RNF168: variants seen among roughly 807,000 people sequenced by gnomAD.
The protein encoded by RNF168 is ring finger protein 168, also known as E3 ubiquitin-protein ligase RNF168.
In RNF168, 34 loss-of-function variants were observed where a neutral mutation model predicts 34.9. That is an observed-to-expected ratio of 0.97 (90% CI 0.74 to 1.30). The LOEUF is 1.30. Ranked by LOEUF, RNF168 falls within the 50% of genes most tolerant of loss-of-function variation. The probability of loss-of-function intolerance (pLI) is 0.00; values close to 1 mark genes in which losing one functional copy is unlikely to be tolerated. For synonymous variants in RNF168, 264 were observed against 254.7 expected (o/e 1.04, Z -0.35); for missense variants, 725 against 682.5 (o/e 1.06, Z -0.69).
At chr3:196,502,319 G>A (rs1184213981) in intron 1 of RNF168, among the ~76,000 whole-genome samples, 4 of 152,130 alleles carry the variant, frequency 2.6e-5, no homozygotes, top group Admixed American at 2.6e-4. Context: ...GGGCGCGGTG[G>A]CTCAAGCCTG....
rs116405320 is a variant in RNF168, at chr3:196,471,719, T to C, written c.*100A>G. On this transcript the variant is annotated 3_prime_UTR_variant, in exon 6 of 6. Coordinates refer to ENST00000318037, the MANE Select transcript of RNF168 (RefSeq NM_152617.4). ...CTTCATTAAGGACAATGAGTGTGCC[T>C]AGAGAGCAGCATGAATGACACATGG... The C allele has an allele frequency of 7.9e-4, 654 of 827,768 alleles. 2 individuals are homozygous for C. The African/African-American group carries it at 8.3e-3, about 10-fold the overall frequency. 51.3% of individuals were successfully genotyped at this position (827,768 alleles called of 1,614,324 possible).
Position 196,472,632 on chromosome 3 carries a change from T to G in RNF168, c.903A>C (p.Leu301Phe). Reference protein sequence around the residue: ...DSSIESPMPWLCACGAEWYHE... With the variant: ...DSSIESPMPWFCACGAEWYHE... Reference sequence around the variant, plus strand: ...GGTACCATTCGGCACCACAGGCACATAACCATGGCATAGGGGACTCTATTG... The same window carrying G: ...GGTACCATTCGGCACCACAGGCACAGAACCATGGCATAGGGGACTCTATTG... Residue 301 changes from leucine (L) to phenylalanine (F), a missense_variant, in exon 6 of 6, where the codon TTA becomes TTC. Physicochemically the swap from Leu to Phe is conservative, Grantham distance 22 (BLOSUM62 0). Coordinates refer to ENST00000318037, the MANE Select transcript of RNF168 (RefSeq NM_152617.4). 1 of 1,613,492 alleles carries G rather than the reference T, an allele frequency of 6.2e-7. No individual in the cohort carries two copies. The highest frequency in any genetic ancestry group is 8.5e-7 in the Non-Finnish European group (1 of 1,179,430).
In RNF168 at chr3:196,503,168, A is replaced by G; in HGVS notation, c.6T>C (p.Ala2=). ...GCGAGGGGATGGCGTCTTTGGGTAG[A>G]GCCATTTCAATATGTTAGTAAAGCC... is the stretch of plus-strand genomic sequence containing the variant. M[A]LPKDAIPSLS... is the part of the protein sequence containing the mutation. The change falls in exon 1 of 6, where the codon GCT becomes GCC. Residue 2 remains alanine (A), a synonymous_variant. Coordinates refer to ENST00000318037, the MANE Select transcript of RNF168 (RefSeq NM_152617.4). 3 of 1,613,846 alleles carry G rather than the reference A, an allele frequency of 1.9e-6. No homozygotes were observed. The highest frequency in any genetic ancestry group is 1.7e-6 in the Non-Finnish European group (2 of 1,179,822).
chr3:196,475,240 G>A lies in RNF168; in HGVS notation c.753C>T (p.Ser251=), dbSNP rs746545726. The change falls in exon 5 of 6, where the codon TCC becomes TCT. Residue 251 remains serine, a synonymous_variant. Coordinates refer to ENST00000318037, the MANE Select transcript of RNF168 (RefSeq NM_152617.4). The stretch of plus-strand genomic sequence containing the variant: ...TTCAGTATCAACATACCTTAGATAC[G>A]GAGTCTTTCCTGACTTCTTGTACAG... ...SEAVQEVRKD[S]VSKDIDSSDR... 16 of 1,585,268 alleles carry A rather than the reference G, an allele frequency of 1.0e-5. No individual in the cohort carries two copies. The highest frequency in any genetic ancestry group is 2.2e-5 in the East Asian group (1 of 44,734).
At chr3:196,486,442 C>A (rs1225851322) in intron 3 of RNF168, among the ~76,000 whole-genome samples, 1 of 152,132 alleles carries the variant, frequency 6.6e-6, no homozygotes, top group Non-Finnish European at 1.5e-5. Flanking sequence ...AAGGGATCCT[C>A]CTGCCTCAGC....
intron 1 of RNF168, among the ~76,000 whole-genome samples, chr3:196,502,309 G>A (rs1351205363): frequency 6.6e-6 from 1 of 152,056 alleles, no homozygotes; most frequent in Non-Finnish European, 1.5e-5. Context: ...ATCAGAGGCC[G>A]GGCGCGGTGG....
chr3:196,475,332 A>C lies in RNF168; in HGVS notation c.681-20T>G. The C allele has an allele frequency of 2.1e-6, 3 of 1,437,124 alleles. No individual in the cohort carries two copies. Among genetic ancestry groups the C allele is most frequent in the Non-Finnish European group, 2.9e-6 (3 of 1,018,644 alleles). The allele number at this position is 1,437,124 out of a possible 1,614,324, so 89.0% of individuals were successfully genotyped here. On this transcript the variant is annotated intron_variant, in intron 4 of 5. Coordinates refer to ENST00000318037, the MANE Select transcript of RNF168 (RefSeq NM_152617.4). ...AAATACCTAAAAGAAAAGTTTACCAAAGTTTCAATGCTTTCAAAGACAGAT... is the reference window on the plus strand; with the variant it reads ...AAATACCTAAAAGAAAAGTTTACCACAGTTTCAATGCTTTCAAAGACAGAT...
intron 4 of RNF168, among the ~76,000 whole-genome samples, chr3:196,479,393 C>T (rs1001321659): frequency 3.9e-5 from 6 of 152,074 alleles, no homozygotes; most frequent in Non-Finnish European, 8.8e-5. Context: ...CAGCCTTGAC[C>T]TCCCAGGTTC....
Position 196,487,555 on chromosome 3 carries a change from G to C in RNF168, c.402C>G (p.Ser134Arg). ...CACTGGCTTTGTTTTCTTCTTCCTCGCTGGCCCGTCGCTCTGCCGCCACCT... is the reference window on the plus strand; with the variant it reads ...CACTGGCTTTGTTTTCTTCTTCCTCCCTGGCCCGTCGCTCTGCCGCCACCT... ...ISKVAAERRASEEEENKASEE... is the reference protein window; with the variant it reads ...ISKVAAERRAREEEENKASEE... The change falls in exon 3 of 6, where the codon AGC becomes AGG. Residue 134 changes from serine to arginine, a missense_variant. By Grantham distance (110) the Ser-to-Arg change is moderately radical. Transcript: ENST00000318037. 6.2e-7 allele frequency: 1 copy of C among 1,613,810 alleles called. No homozygotes were observed. Among genetic ancestry groups the C allele is most frequent in the Non-Finnish European group, 8.5e-7 (1 of 1,179,994 alleles).
At chr3:196,475,018 AG>A in intron 5 of RNF168, 1 of 533,376 alleles carries the variant, frequency 1.9e-6, no homozygotes, top group Non-Finnish European at 3.4e-6. Context: ...ACTCTCTTAG[AG>A]AAAAACTTTG....
Position 196,503,230 on chromosome 3 carries a change from T to C in RNF168, c.-57A>G. 1 of 1,519,750 alleles carries C rather than the reference T, an allele frequency of 6.6e-7. No individual in the cohort carries two copies. The highest frequency in any genetic ancestry group is 9.1e-7 in the Non-Finnish European group (1 of 1,095,888). The allele number at this position is 1,519,750 out of a possible 1,614,324, so 94.1% of individuals were successfully genotyped here. ...GACACCTGCACGAAAAAGAATCCTATTTTCGGCCAACCACAGAGAGAGCAA... is the reference window on the plus strand; with the variant it reads ...GACACCTGCACGAAAAAGAATCCTACTTTCGGCCAACCACAGAGAGAGCAA... On this transcript the variant is annotated 5_prime_UTR_variant, in exon 1 of 6. Coordinates refer to ENST00000318037, the MANE Select transcript of RNF168 (RefSeq NM_152617.4).
At position 196,487,561 on chromosome 3, in the gene RNF168, C is replaced by G. The variant is rs1160208768; in HGVS notation, c.396G>C (p.Arg132=). 1 of 1,614,110 alleles carries G rather than the reference C, an allele frequency of 6.2e-7. No individual in the cohort carries two copies. The highest frequency in any genetic ancestry group is 1.7e-5 in the Admixed American group (1 of 60,014). ...EEISKVAAER[R]ASEEEENKAS... ...CTTTGTTTTCTTCTTCCTCGCTGGC[C>G]CGTCGCTCTGCCGCCACCTTAAAAG... is the stretch of plus-strand genomic sequence containing the variant. The change falls in exon 3 of 6, where the codon CGG becomes CGC. Residue 132 remains arginine, a synonymous_variant. Transcript: ENST00000318037.
rs561335974 is a variant in RNF168, at chr3:196,495,183, G to C, written c.302-6500C>G. Among the ~76,000 whole-genome samples, 3 of 152,130 alleles carry C rather than the reference G, an allele frequency of 2.0e-5. No individual in the cohort carries two copies. The South Asian group carries it at 6.2e-4, about 32-fold the overall frequency. ...AACTGCCACATTGCCTTTCGTGTGT[G>C]TGTGTGTGTATTTTCTGAACCATTT... On this transcript the variant is annotated intron_variant, in intron 1 of 5. Coordinates refer to ENST00000318037, the MANE Select transcript of RNF168 (RefSeq NM_152617.4).
intron 1 of RNF168, among the ~76,000 whole-genome samples, chr3:196,489,761 T>C (rs983103291): frequency 2.0e-5 from 3 of 152,346 alleles, no homozygotes; most frequent in South Asian, 2.1e-4. Context: ...GAAGGGAATC[T>C]GCCTCCTATT....
chr3:196,501,984 A>G (rs75483890), intron 1 of RNF168, among the ~76,000 whole-genome samples: 1 of 145,944 alleles, frequency 6.9e-6, no homozygotes, highest in African/African-American at 2.5e-5. Flanking sequence ...TTAAAATGGC[A>G]TTTTTTTACA....
chr3:196,474,447 C>CTTTT (rs78108021), intron 5 of RNF168, among the ~76,000 whole-genome samples: 1 of 121,378 alleles, frequency 8.2e-6, no homozygotes, highest in Non-Finnish European at 1.7e-5. Context: ...TTGTAATATT[C>CTTTT]TTTTTTTTTT....
At chr3:196,481,186 C>T in intron 4 of RNF168, among the ~76,000 whole-genome samples, 1 of 152,132 alleles carries the variant, frequency 6.6e-6, no homozygotes, top group African/African-American at 2.4e-5. Context: ...TGTTTTATCT[C>T]CTTTTATTGT....
chr3:196,497,124 C>A (rs1029463644), intron 1 of RNF168, among the ~76,000 whole-genome samples: 3 of 151,478 alleles, frequency 2.0e-5, no homozygotes, highest in Non-Finnish European at 4.4e-5. Context: ...CCAGCCTAGG[C>A]AACAGAGCAA....
chr3:196,494,237 T>C (rs1037207450), intron 1 of RNF168, among the ~76,000 whole-genome samples: 1 of 152,214 alleles, frequency 6.6e-6, no homozygotes, highest in Non-Finnish European at 1.5e-5. Context: ...ATTTTTGCCA[T>C]CTGTTGGAAA....
Sources: gnomAD v4.1 joint callset for allele counts (sites outside exome capture counted in the v4.1 genomes callset) on GRCh38, gnomAD v4.1.1 for gene constraint, MANE v1.5 for transcripts, NCBI Gene and HGNC (gene_info 2026-07-23, HGNC 2026-07-21) for gene names.